Variants in GCM1 observed in about 807,000 individuals in gnomAD.
The protein encoded by GCM1 is GCM transcription factor 1.
A neutral mutation model predicts 25.7 loss-of-function variants in GCM1; 2 were observed. The ratio of observed to expected loss-of-function variants is 0.08; its 90% CI spans 0.03 to 0.24. The LOEUF (loss-of-function observed/expected upper bound fraction) is 0.24. GCM1 is among the 10% of genes least tolerant of loss of function. The probability of loss-of-function intolerance (pLI) is 1.00; values close to 1 mark genes in which losing one functional copy is unlikely to be tolerated. For synonymous variants in GCM1, 183 were observed against 195.7 expected (o/e 0.94, Z 0.54); for missense variants, 395 against 538.7 (o/e 0.73, Z 2.64).
chr6:53,136,174 C>T (rs1402084062), intron 2 of GCM1, among the ~76,000 whole-genome samples: 1 of 152,378 alleles, frequency 6.6e-6, no homozygotes, highest in East Asian at 1.9e-4. Flanking sequence ...GGGCCAAATC[C>T]TGCCCATTGC....
At chr6:53,138,171 A>G (rs759554192) in intron 2 of GCM1, among the ~76,000 whole-genome samples, 2 of 151,050 alleles carry the variant, frequency 1.3e-5, no homozygotes, top group South Asian at 4.2e-4. Context: ...TATCCCAGTT[A>G]CTCAGGAGGC....
rs13200319 is a variant in GCM1, at chr6:53,128,204, G to A, written c.*2C>T. ...TGGGGTGCACATAGTGAAAGATTTG[G>A]GTCATCTCAAAGGACACAGGTTCAG... On this transcript the variant is annotated 3_prime_UTR_variant, in exon 6 of 6. Coordinates refer to ENST00000259803, the MANE Select transcript of GCM1 (RefSeq NM_003643.4). The A allele has an allele frequency of 0.11, 183,346 of 1,598,990 alleles. 11,156 individuals carry two copies. The highest frequency in any genetic ancestry group is 0.13 in the Non-Finnish European group (149,959 of 1,176,002).
In GCM1 at chr6:53,134,255, C is replaced by T; in HGVS notation, c.145G>A (p.Asp49Asn). 1 of 1,614,150 alleles carries T rather than the reference C, an allele frequency of 6.2e-7. No individual in the cohort carries two copies. Among genetic ancestry groups the T allele is most frequent in the Non-Finnish European group, 8.5e-7 (1 of 1,180,022 alleles). The change falls in exon 3 of 6, where the codon GAC (aspartate) becomes AAC (asparagine). Residue 49 changes from aspartate (D) to asparagine (N), a missense_variant. Around this residue, in one of 5 missense-constraint regions of GCM1, gnomAD observed 44 missense variants for 60.8 expected, o/e 0.72. Transcript: ENST00000259803. ...SYAKHIYSSE[D>N]KNAQRHLSSW... ...CTCAGGTGCCGCTGCGCATTCTTGTCCTCCGAGCTGTAGATGTGTTTGGCA... is the reference window on the plus strand; with the variant it reads ...CTCAGGTGCCGCTGCGCATTCTTGTTCTCCGAGCTGTAGATGTGTTTGGCA...
Position 53,128,541 on chromosome 6 carries a change from T to C in GCM1, c.976A>G (p.Ser326Gly), listed in dbSNP as rs1471613013. ...GAAGAGTTTTGGGAAGGAGAGAAGC[T>C]GCAAGGCCAGCTGGTCAGAGGAAAA... is the stretch of plus-strand genomic sequence containing the variant. ...YPFPLTSWPC[S>G]FSPSQNSSEP... is the part of the protein sequence containing the mutation. Residue 326 changes from serine to glycine, a missense_variant, in exon 6 of 6, where the codon AGC becomes GGC. Ser to Gly is a moderately conservative substitution (Grantham distance 56). Coordinates refer to ENST00000259803, the MANE Select transcript of GCM1 (RefSeq NM_003643.4). 9 of 1,613,994 alleles carry C rather than the reference T, an allele frequency of 5.6e-6. No homozygotes were observed. In the South Asian group the frequency reaches 9.9e-5, roughly 18 times the overall value.
chr6:53,146,258 C>T (rs1244009122), intron 1 of GCM1, among the ~76,000 whole-genome samples: 6 of 138,734 alleles, frequency 4.3e-5, no homozygotes, highest in Non-Finnish European at 3.1e-5. Context: ...CTCACTTCTT[C>T]ACCCAGGCTG....
chr6:53,133,602 C>T (rs898710668), intron 3 of GCM1, among the ~76,000 whole-genome samples: 1 of 152,164 alleles, frequency 6.6e-6, no homozygotes, highest in Non-Finnish European at 1.5e-5. Context: ...AGCAATCCTT[C>T]TGCCTCAGCC....
intron 2 of GCM1, among the ~76,000 whole-genome samples, chr6:53,142,000 GAAAAAAAAAAAAAAAAAA>G (rs59663630): frequency 0.011 from 138 of 12,288 alleles, 3 homozygotes; most frequent in East Asian, 0.036. Context: ...GTGAGACCCT[GAAAAAAAAAAAAAAAAAA>G]AAAAAAAAAA....
intron 2 of GCM1, among the ~76,000 whole-genome samples, chr6:53,140,318 GTAC>G (rs1413872826): frequency 6.6e-6 from 1 of 152,080 alleles, no homozygotes; most frequent in Non-Finnish European, 1.5e-5. Context: ...ACACATCTGA[GTAC>G]TACAACTGGC....
At chr6:53,142,849 G>T (rs1351569694) in intron 2 of GCM1, among the ~76,000 whole-genome samples, 1 of 67,792 alleles carries the variant, frequency 1.5e-5, no homozygotes, top group African/African-American at 4.7e-5. Flanking sequence ...TTTCAGAAAA[G>T]GTAAACAACT....
At chr6:53,132,590 T>C (rs1320896213) in intron 3 of GCM1, among the ~76,000 whole-genome samples, 2 of 152,166 alleles carry the variant, frequency 1.3e-5, no homozygotes, top group South Asian at 4.1e-4. Context: ...TGCACACCTG[T>C]AGTCCCAGCT....
At chr6:53,132,268 AC>A in intron 3 of GCM1, 149 bp from the exon 4 acceptor site, 1 of 625,456 alleles carries the variant, frequency 1.6e-6, no homozygotes, top group Non-Finnish European at 2.8e-6. Context: ...ACTAGATATT[AC>A]CCCTGACCCT....
chr6:53,134,375 T>G, intron 2 of GCM1, 51 bp from the exon 3 acceptor site: 1 of 1,559,878 alleles, frequency 6.4e-7, no homozygotes, highest in Admixed American at 1.7e-5. Flanking sequence ...AAAACACAGC[T>G]GTCACCCACT....
At chr6:53,134,578 G>A (rs1763771301) in intron 2 of GCM1, among the ~76,000 whole-genome samples, 1 of 152,202 alleles carries the variant, frequency 6.6e-6, no homozygotes, top group Non-Finnish European at 1.5e-5. Context: ...AGTTCCATCT[G>A]ATTGACACTT....
At chr6:53,140,106 C>T (rs1211165957) in intron 2 of GCM1, among the ~76,000 whole-genome samples, 1 of 152,062 alleles carries the variant, frequency 6.6e-6, no homozygotes, top group African/African-American at 2.4e-5. Flanking sequence ...ATAGCAGAGG[C>T]CCCAGTGATC....
Position 53,128,250 on chromosome 6 carries a change from G to T in GCM1, c.1267C>A (p.His423Asn). ...EEEMTYLGLDHCNNDMLLNLC... is the reference protein window; with the variant it reads ...EEEMTYLGLDNCNNDMLLNLC... ...TTCAGAAGCATATCATTGTTGCAGT[G>T]ATCCAAACCCAAGTATGTCATTTCT... Residue 423 changes from histidine to asparagine, a missense_variant, in exon 6 of 6, where the codon CAC (histidine) becomes AAC (asparagine). Around this residue, in one of 5 missense-constraint regions of GCM1, gnomAD observed 291 missense variants for 314.6 expected, o/e 0.92. Coordinates refer to ENST00000259803, the MANE Select transcript of GCM1 (RefSeq NM_003643.4). 6.2e-7 allele frequency: 1 copy of T among 1,612,186 alleles called. No individual in the cohort carries two copies. The highest frequency in any genetic ancestry group is 1.1e-5 in the South Asian group (1 of 91,072).
chr6:53,139,128 C>G (rs1320497577), intron 2 of GCM1, among the ~76,000 whole-genome samples: 1 of 151,914 alleles, frequency 6.6e-6, no homozygotes, highest in Non-Finnish European at 1.5e-5. Context: ...TTATTCATTA[C>G]TTATAAATAA....
At chr6:53,148,143 G>A (rs898030408) in intron 1 of GCM1, among the ~76,000 whole-genome samples, 10 of 152,134 alleles carry the variant, frequency 6.6e-5, no homozygotes, top group Non-Finnish European at 8.8e-5. Context: ...AAATGATGCC[G>A]CAAATTGACT....
At chr6:53,146,756 C>A (rs1338411458) in intron 1 of GCM1, among the ~76,000 whole-genome samples, 3 of 152,092 alleles carry the variant, frequency 2.0e-5, no homozygotes, top group Non-Finnish European at 4.4e-5. Context: ...GGTCTCTACC[C>A]ATTAGGTGCT....
At chr6:53,128,998 A>T in intron 5 of GCM1, 52 bp from the exon 6 acceptor site, 1 of 1,461,958 alleles carries the variant, frequency 6.8e-7, no homozygotes, top group Non-Finnish European at 9.4e-7. Context: ...AATCAAAACC[A>T]CTGCCATAGG....
Sources: allele counts gnomAD v4.1 joint callset (sites outside exome capture counted in the v4.1 genomes callset), GRCh38; gene constraint gnomAD v4.1.1; regional missense constraint gnomAD v4.1.1; transcripts MANE v1.5; gene names NCBI Gene and HGNC (gene_info 2026-07-23, HGNC 2026-07-21).